The following BABAM2 variants were observed in gnomAD, a reference collection of about 807,000 sequenced individuals.
The protein encoded by BABAM2 is BRISC and BRCA1 A complex member 2, also known as BRISC and BRCA1-A complex member 2.
BABAM2 carries 31 observed loss-of-function variants against 54.7 expected under a neutral mutation model. That is an observed-to-expected ratio of 0.57 (90% CI 0.43 to 0.77). BABAM2 has a LOEUF of 0.77. Ranked by LOEUF, BABAM2 falls within the 30% of genes least tolerant of loss-of-function variation. The pLI is 0.00. For synonymous variants in BABAM2, 167 were observed against 162.9 expected (o/e 1.03, Z -0.19); for missense variants, 364 against 455.8 (o/e 0.80, Z 1.83).
chr2:28,158,940 G>C (rs1351561471), intron 7 of BABAM2, among the ~76,000 whole-genome samples: 1 of 152,138 alleles, frequency 6.6e-6, no homozygotes, highest in Non-Finnish European at 1.5e-5. Flanking sequence ...TGGCGGCCTT[G>C]ATTCTGCTTT....
chr2:28,053,878 A>G (rs911798611), intron 6 of BABAM2, among the ~76,000 whole-genome samples: 1 of 152,174 alleles, frequency 6.6e-6, no homozygotes. Context: ...CTGAGTTCCA[A>G]TAAAACTTTA....
chr2:28,079,929 G>A (rs189806530), intron 6 of BABAM2, among the ~76,000 whole-genome samples: 1 of 152,166 alleles, frequency 6.6e-6, no homozygotes, highest in African/African-American at 2.4e-5. Context: ...TTAAAAATAT[G>A]TTACCTAAAA....
At chr2:28,118,508 C>T (rs1969131) in intron 6 of BABAM2, among the ~76,000 whole-genome samples, 38,271 of 152,020 alleles carry the variant, frequency 0.25, 6,028 homozygotes, top group African/African-American at 0.46. Flanking sequence ...GTTGGCCAAA[C>T]AAATGCCTTC....
intron 6 of BABAM2, among the ~76,000 whole-genome samples, chr2:28,048,716 T>A (rs1480403474): frequency 6.6e-6 from 1 of 152,206 alleles, no homozygotes; most frequent in African/African-American, 2.4e-5. Context: ...TCAACTGGTG[T>A]GTTTATGGGG....
In BABAM2 at chr2:27,894,660, T is replaced by G; in HGVS notation, c.104T>G (p.Leu35Trp). The G allele has an allele frequency of 6.2e-7, 1 of 1,614,142 alleles. No homozygotes were observed. The highest frequency in any genetic ancestry group is 8.5e-7 in the Non-Finnish European group (1 of 1,180,008). Residue 35 changes from leucine to tryptophan, a missense_variant, in exon 2 of 12, where the codon TTG becomes TGG. Leu to Trp is a moderately conservative substitution (Grantham distance 61). Coordinates refer to ENST00000379624, the MANE Select transcript of BABAM2 (RefSeq NM_199191.3). ...GTGGGACTGGATGCTACAAACTGTT[T>G]GAGGATAACTGACTTAAAATCTGGG... ...GKVGLDATNC[L>W]RITDLKSGCT...
chr2:28,184,683 T>C (rs546489153), intron 7 of BABAM2, among the ~76,000 whole-genome samples: 48 of 152,260 alleles, frequency 3.2e-4, no homozygotes, highest in Admixed American at 7.2e-4. Context: ...TAGTATTCCA[T>C]GGTGTATATG....
intron 6 of BABAM2, among the ~76,000 whole-genome samples, chr2:28,100,082 C>T (rs2148706703): frequency 6.6e-6 from 1 of 152,096 alleles, no homozygotes; most frequent in African/African-American, 2.4e-5. Flanking sequence ...TGATTATTTT[C>T]TCTTTTTCTA....
At chr2:28,155,816 T>C (rs1672494420) in intron 7 of BABAM2, among the ~76,000 whole-genome samples, 1 of 152,184 alleles carries the variant, frequency 6.6e-6, no homozygotes, top group African/African-American at 2.4e-5. Context: ...CAGATGGGGT[T>C]ATCAGCCACA....
intron 7 of BABAM2, among the ~76,000 whole-genome samples, chr2:28,232,676 A>T (rs1204949663): frequency 1.3e-5 from 2 of 152,196 alleles, no homozygotes; most frequent in African/African-American, 4.8e-5. Context: ...TGTGTGTCTA[A>T]ACATATCTAA....
intron 7 of BABAM2, among the ~76,000 whole-genome samples, chr2:28,217,509 T>C (rs1381471695): frequency 6.6e-6 from 1 of 152,192 alleles, no homozygotes; most frequent in African/African-American, 2.4e-5. Flanking sequence ...CCCCATTTCA[T>C]AGATAAGCAA....
intron 3 of BABAM2, among the ~76,000 whole-genome samples, chr2:27,945,999 A>G (rs1669271349): frequency 6.6e-6 from 1 of 152,124 alleles, no homozygotes; most frequent in Non-Finnish European, 1.5e-5. Flanking sequence ...TCCAATCTAT[A>G]TAATTTATAT....
chr2:28,212,447 T>A (rs1037825691), intron 7 of BABAM2, among the ~76,000 whole-genome samples: 2 of 152,216 alleles, frequency 1.3e-5, no homozygotes, highest in African/African-American at 4.8e-5. Context: ...GTGAAGTCTC[T>A]CTTTTACCCT....
Position 27,939,017 on chromosome 2 carries a change from A to G in BABAM2, c.205+9109A>G, listed in dbSNP as rs1184651875. On this transcript the variant is annotated intron_variant, in intron 3 of 11. Transcript: ENST00000379624. The stretch of plus-strand genomic sequence containing the variant: ...CACCAGGCTGGAGTGCAATGTAGCA[A>G]TCTCGGCTCACTTCAACCTCCACCT... Among the ~76,000 whole-genome samples the G allele has an allele frequency of 3.9e-5, 6 of 152,002 alleles. No individual in the cohort carries two copies. The East Asian group carries it at 1.2e-3, about 30-fold the overall frequency.
intron 6 of BABAM2, among the ~76,000 whole-genome samples, chr2:28,050,466 A>C (rs1677915283): frequency 6.6e-6 from 1 of 152,176 alleles, no homozygotes; most frequent in African/African-American, 2.4e-5. Flanking sequence ...AGTGCCACTC[A>C]ATATCCTGAG....
intron 6 of BABAM2, among the ~76,000 whole-genome samples, chr2:28,102,199 T>G (rs1428620056): frequency 6.6e-6 from 1 of 152,192 alleles, no homozygotes; most frequent in Non-Finnish European, 1.5e-5. Flanking sequence ...ATTTTTTGAA[T>G]AAATAAATGA....
At chr2:28,247,996 A>G (rs1683051440) in intron 10 of BABAM2, among the ~76,000 whole-genome samples, 1 of 151,944 alleles carries the variant, frequency 6.6e-6, no homozygotes, top group Non-Finnish European at 1.5e-5. Context: ...CCTTCCTTAC[A>G]TCATTCATTT....
chr2:27,939,993 G>A (rs1461695410), intron 3 of BABAM2, among the ~76,000 whole-genome samples: 3 of 152,166 alleles, frequency 2.0e-5, no homozygotes, highest in African/African-American at 7.2e-5. Context: ...TTGTTGGCCA[G>A]TAAAAGAGTT....
chr2:27,906,026 A>C (rs1666166507), intron 2 of BABAM2, among the ~76,000 whole-genome samples: 1 of 152,230 alleles, frequency 6.6e-6, no homozygotes, highest in East Asian at 1.9e-4. Flanking sequence ...GATACATGCA[A>C]CAGTTGTTAA....
chr2:28,302,972 A>AT (rs1282762234), intron 11 of BABAM2, among the ~76,000 whole-genome samples: 2 of 152,148 alleles, frequency 1.3e-5, no homozygotes, highest in East Asian at 1.9e-4. Context: ...TGTCAGATAT[A>AT]TTTTTTGTGA....
Sources: allele counts gnomAD v4.1 joint callset (sites outside exome capture counted in the v4.1 genomes callset), GRCh38; gene constraint gnomAD v4.1.1; transcripts MANE v1.5; gene names NCBI Gene and HGNC (gene_info 2026-07-23, HGNC 2026-07-21).